The following TDRKH variants were observed in gnomAD, a reference collection of about 807,000 sequenced individuals.
The protein encoded by TDRKH is tudor and KH domain containing.
TDRKH carries 28 observed loss-of-function variants against 61.3 expected under a neutral mutation model. The ratio of observed to expected loss-of-function variants is 0.46; its 90% CI spans 0.34 to 0.63. The LOEUF (loss-of-function observed/expected upper bound fraction) is 0.63. Ranked by LOEUF, TDRKH falls within the 20% of genes least tolerant of loss-of-function variation. The pLI, the probability that TDRKH is intolerant of heterozygous loss-of-function variation, is 0.01. For synonymous variants in TDRKH, 219 were observed against 244.4 expected (o/e 0.90, Z 0.97); for missense variants, 540 against 683.4 (o/e 0.79, Z 2.34).
intron 2 of TDRKH, chr1:151,782,086 T>C (rs1264574397): frequency 2.3e-6 from 1 of 427,934 alleles, no homozygotes; most frequent in East Asian, 7.0e-5. Context: ...CTTTGCTGTG[T>C]TGATGTTGCT....
chr1:151,771,124 C>A, downstream of TDRKH: 2 of 1,612,502 alleles, frequency 1.2e-6, no homozygotes, highest in South Asian at 2.2e-5. Context: ...GGTGGTCAGA[C>A]CAGATCACCC....
chr1:151,775,518 C>T lies in TDRKH; in HGVS notation c.1308G>A (p.Leu436=). Residue 436 remains leucine, a synonymous_variant, in exon 10 of 13, where the codon TTG becomes TTA. Transcript: ENST00000368824. ...PSGDQWEEEA[L]DEFDRLTHCA... is the part of the protein sequence containing the mutation. ...AATGAGTGAGTCTATCAAACTCATCCAAAGCTTCCTCTTCCCACTGGTCAC... is the reference window on the plus strand; with the variant it reads ...AATGAGTGAGTCTATCAAACTCATCTAAAGCTTCCTCTTCCCACTGGTCAC... 6.2e-7 allele frequency: 1 copy of T among 1,613,644 alleles called. No individual in the cohort carries two copies. Among genetic ancestry groups the T allele is most frequent in the Non-Finnish European group, 8.5e-7 (1 of 1,179,840 alleles).
At chr1:151,766,769 C>A (rs1465503576), downstream of TDRKH, 1 of 1,566,558 alleles carries the variant, frequency 6.4e-7, no homozygotes, top group Non-Finnish European at 8.7e-7. Flanking sequence ...TTTCTTATAT[C>A]AAGAGGGGAA....
At chr1:151,779,077 A>G (rs780648724) in intron 5 of TDRKH, 26 bp downstream of exon 5, 32 of 1,613,556 alleles carry the variant, frequency 2.0e-5, no homozygotes, top group Non-Finnish European at 1.7e-6. Flanking sequence ...ATGCTCAGGT[A>G]TAATTCAAGT....
downstream of TDRKH, chr1:151,770,081 G>C: frequency 1.4e-6 from 2 of 1,448,920 alleles, no homozygotes; most frequent in South Asian, 2.4e-5. Flanking sequence ...CGTGGAGAGA[G>C]AGGGAGAGGG....
At chr1:151,777,810 T>C (rs1031890630) in intron 6 of TDRKH, among the ~76,000 whole-genome samples, 1 of 151,330 alleles carries the variant, frequency 6.6e-6, no homozygotes, top group Non-Finnish European at 1.5e-5. Context: ...CTCGACTTCC[T>C]GGGCTCATGT....
At chr1:151,776,625 C>CCACAT in intron 6 of TDRKH, 26 bp from the exon 7 acceptor site, 1 of 1,608,114 alleles carries the variant, frequency 6.2e-7, no homozygotes. Context: ...AGGATGGTGG[C>CCACAT]CACATCAGAC....
intron 6 of TDRKH, among the ~76,000 whole-genome samples, chr1:151,777,715 G>A (rs1649328707): frequency 7.9e-6 from 1 of 125,936 alleles, no homozygotes; most frequent in Non-Finnish European, 1.8e-5. Context: ...TAAAAAAATA[G>A]TTAATTTTTT....
intron 1 of TDRKH, among the ~76,000 whole-genome samples, chr1:151,787,295 T>C (rs1650410908): frequency 6.6e-6 from 1 of 152,230 alleles, no homozygotes; most frequent in African/African-American, 2.4e-5. Context: ...CTCAGCTCAC[T>C]GCAACCTCTG....
downstream of TDRKH, chr1:151,771,635 A>G: frequency 2.8e-6 from 1 of 355,256 alleles, no homozygotes; most frequent in Non-Finnish European, 5.0e-6. Flanking sequence ...GAGAAGGCAC[A>G]TAGATCTCTT....
At chr1:151,771,809 CTT>C (rs1648720591), downstream of TDRKH, 1 of 396,958 alleles carries the variant, frequency 2.5e-6, no homozygotes, top group African/African-American at 2.1e-5. Context: ...AAGAAAAAGA[CTT>C]TTATACATAG....
At chr1:151,774,579 G>C (rs1648966535) in intron 12 of TDRKH, 75 bp from the exon 13 acceptor site, 5 of 1,591,250 alleles carry the variant, frequency 3.1e-6, no homozygotes, top group Admixed American at 1.7e-5. Flanking sequence ...AGGCTCAAAA[G>C]AAAAATGGAC....
chr1:151,784,875 C>A (rs569181522), intron 1 of TDRKH, among the ~76,000 whole-genome samples: 1 of 151,806 alleles, frequency 6.6e-6, no homozygotes, highest in Admixed American at 6.6e-5. Flanking sequence ...AAACTTAACA[C>A]TGAGCTCCTG....
intron 6 of TDRKH, among the ~76,000 whole-genome samples, chr1:151,777,264 G>A (rs759788769): frequency 6.6e-5 from 10 of 152,128 alleles, no homozygotes; most frequent in Non-Finnish European, 1.5e-4. Flanking sequence ...GTCCAACATG[G>A]TGAAACCCCA....
Position 151,775,809 on chromosome 1 carries a change from G to T in TDRKH, c.1282+11C>A. 1 of 1,612,716 alleles carries T rather than the reference G, an allele frequency of 6.2e-7. No homozygotes were observed. The highest frequency in any genetic ancestry group is 1.1e-5 in the South Asian group (1 of 91,008). On this transcript the variant is annotated intron_variant, in intron 9 of 12. Coordinates refer to ENST00000368824, the MANE Select transcript of TDRKH (RefSeq NM_001083965.2). ...TGGAGGTAAGCTCAATAGATGGCATGACCAATTTACCTGAGGGAGCAATCC... is the reference window on the plus strand; with the variant it reads ...TGGAGGTAAGCTCAATAGATGGCATTACCAATTTACCTGAGGGAGCAATCC...
chr1:151,781,622 A>G lies in TDRKH; in HGVS notation c.125-35T>C, dbSNP rs751268672. 20 of 1,596,442 alleles carry G rather than the reference A, an allele frequency of 1.3e-5. 1 individual carries two copies. In the East Asian group the frequency reaches 4.0e-4, roughly 32 times the overall value. ...TCATTGTTCATCAGATCAGACTTAG[A>G]TAACACCCAAAGCTAGTATAACTAC... On this transcript the variant is annotated intron_variant, in intron 2 of 12. Transcript: ENST00000368824.
chr1:151,767,100 G>T (rs1648391268), downstream of TDRKH: 7 of 1,591,528 alleles, frequency 4.4e-6, no homozygotes, highest in Non-Finnish European at 2.6e-6. Flanking sequence ...CCAGAGCCTG[G>T]TACTGTGTAT....
At chr1:151,771,184 A>G (rs918631361), downstream of TDRKH, 10 of 1,613,818 alleles carry the variant, frequency 6.2e-6, no homozygotes, top group East Asian at 4.5e-5. Context: ...TCCCCTTGAA[A>G]GGGATGTTGG....
At position 151,775,484 on chromosome 1, in the gene TDRKH, A is replaced by T. The variant is rs1393775975; in HGVS notation, c.1342T>A (p.Trp448Arg). 25 of 1,614,022 alleles carry T rather than the reference A, an allele frequency of 1.5e-5. No homozygotes were observed. The highest frequency in any genetic ancestry group is 2.0e-5 in the Non-Finnish European group (24 of 1,180,026). ...GAGATCTTGGCTACCAGAGGCTTCC[A>T]GTCAGCACAATGAGTGAGTCTATCA... ...EFDRLTHCAD[W>R]KPLVAKISSY... is the part of the protein sequence containing the mutation. Residue 448 changes from tryptophan (W) to arginine (R), a missense_variant, in exon 10 of 13, where the codon TGG becomes AGG. Around this residue, in one of 3 missense-constraint regions of TDRKH, gnomAD observed 379 missense variants for 443.8 expected, o/e 0.85. Coordinates refer to ENST00000368824, the MANE Select transcript of TDRKH (RefSeq NM_001083965.2).
Sources: gnomAD v4.1 joint callset for allele counts (sites outside exome capture counted in the v4.1 genomes callset) on GRCh38, gnomAD v4.1.1 for gene constraint, gnomAD v4.1.1 regional missense constraint, MANE v1.5 for transcripts, NCBI Gene and HGNC (gene_info 2026-07-23, HGNC 2026-07-21) for gene names.